Variants in CTNNA3 observed in about 807,000 individuals in gnomAD.
CTNNA3 encodes catenin alpha 3.
Under a neutral mutation model 95.7 loss-of-function variants are expected in CTNNA3, and 76 were observed. The observed-to-expected ratio is 0.79, with a 90% confidence interval of 0.66 to 0.96. CTNNA3 has a LOEUF of 0.96. Ranked by LOEUF, CTNNA3 falls within the 40% of genes least tolerant of loss-of-function variation. CTNNA3 has a pLI of 0.00. For missense variants in CTNNA3, 1,191 were observed against 1,089.8 expected (o/e 1.09, Z -1.31); for synonymous variants, 431 against 374.4 (o/e 1.15, Z -1.74).
intron 17 of CTNNA3, among the ~76,000 whole-genome samples, chr10:65,924,727 C>T (rs1380560280): frequency 6.6e-6 from 1 of 152,086 alleles, no homozygotes; most frequent in African/African-American, 2.4e-5. Flanking sequence ...TCTCACGCTG[C>T]TAATAAAGAC....
At position 67,691,512 on chromosome 10, in the gene CTNNA3, G is replaced by A. The variant is rs1198818942; in HGVS notation, c.-6+4488C>T. ...GAGCGTCTCTGCCCGGCCGCCCATC[G>A]TCTGAGATGTGGGGAGCACCTCTGC... On this transcript the variant is annotated intron_variant, in intron 1 of 17. Coordinates refer to ENST00000433211, the MANE Select transcript of CTNNA3 (RefSeq NM_013266.4). Among the ~76,000 whole-genome samples, 5 of 148,160 alleles carry A rather than the reference G, an allele frequency of 3.4e-5. No individual in the cohort carries two copies. In the East Asian group the frequency reaches 6.1e-4, roughly 18 times the overall value.
chr10:66,150,843 T>C (rs1383416943), intron 13 of CTNNA3, among the ~76,000 whole-genome samples: 4 of 152,176 alleles, frequency 2.6e-5, no homozygotes, highest in South Asian at 4.1e-4. Flanking sequence ...ACTTATCTTT[T>C]AATACTTTTA....
At chr10:67,210,731 TG>T (rs143040362) in intron 6 of CTNNA3, among the ~76,000 whole-genome samples, 6,642 of 150,406 alleles carry the variant, frequency 0.044, 194 homozygotes, top group South Asian at 0.09. Flanking sequence ...ATACTGCATA[TG>T]GGGGGGGGCT....
intron 5 of CTNNA3, among the ~76,000 whole-genome samples, chr10:67,438,359 C>A (rs1313491032): frequency 6.6e-6 from 1 of 152,146 alleles, no homozygotes; most frequent in Non-Finnish European, 1.5e-5. Flanking sequence ...ACACAGCAGG[C>A]TCTCTCTAAA....
At chr10:65,996,019 C>T (rs1252983597) in intron 15 of CTNNA3, among the ~76,000 whole-genome samples, 1 of 152,178 alleles carries the variant, frequency 6.6e-6, no homozygotes, top group Non-Finnish European at 1.5e-5. Context: ...GCAGCAATGA[C>T]AGCAATGAGC....
At chr10:66,328,777 C>G (rs1211921375) in intron 12 of CTNNA3, among the ~76,000 whole-genome samples, 3 of 150,762 alleles carry the variant, frequency 2.0e-5, no homozygotes, top group Non-Finnish European at 4.4e-5. Flanking sequence ...ATCTGAAGGC[C>G]TGAGAACCCA....
At chr10:66,568,310 C>T (rs1024313416) in intron 10 of CTNNA3, among the ~76,000 whole-genome samples, 1 of 152,072 alleles carries the variant, frequency 6.6e-6, no homozygotes, top group African/African-American at 2.4e-5. Flanking sequence ...GACAGTGTCC[C>T]TTCAACAAAA....
intron 10 of CTNNA3, among the ~76,000 whole-genome samples, chr10:66,617,912 C>T (rs1478335833): frequency 6.6e-6 from 1 of 151,226 alleles, no homozygotes; most frequent in Non-Finnish European, 1.5e-5. Flanking sequence ...TCTTATACAC[C>T]AATAACAGAC....
chr10:67,492,125 G>A (rs937065105), intron 5 of CTNNA3, among the ~76,000 whole-genome samples: 1 of 152,070 alleles, frequency 6.6e-6, no homozygotes, highest in African/African-American at 2.4e-5. Flanking sequence ...AGAGGGTGTA[G>A]GGGAAAGAAA....
chr10:67,344,125 A>G (rs564943806), intron 5 of CTNNA3, among the ~76,000 whole-genome samples: 2 of 151,934 alleles, frequency 1.3e-5, no homozygotes, highest in South Asian at 2.1e-4. Flanking sequence ...TTCTGTTGAT[A>G]TGATATATCA....
chr10:66,773,353 A>T (rs1233712536), intron 8 of CTNNA3, among the ~76,000 whole-genome samples: 1 of 152,160 alleles, frequency 6.6e-6, no homozygotes, highest in African/African-American at 2.4e-5. Context: ...CTGACTTTGG[A>T]GCTAAGGCAC....
chr10:66,210,946 A>C (rs753875543), intron 13 of CTNNA3, among the ~76,000 whole-genome samples: 57 of 152,224 alleles, frequency 3.7e-4, no homozygotes, highest in Non-Finnish European at 7.3e-4. Context: ...CTCAGATTTT[A>C]AATTGTAGAA....
chr10:67,611,470 C>A (rs775187447), intron 2 of CTNNA3, among the ~76,000 whole-genome samples: 1 of 151,822 alleles, frequency 6.6e-6, no homozygotes, highest in African/African-American at 2.4e-5. Flanking sequence ...CCTGCCACCA[C>A]GCCTGGCTAA....
At chr10:67,573,741 T>TCTCCTTCCCTCC (rs1413026393) in intron 3 of CTNNA3, among the ~76,000 whole-genome samples, 16 of 147,006 alleles carry the variant, frequency 1.1e-4, no homozygotes, top group African/African-American at 4.0e-4. Flanking sequence ...TCCTTCCCTC[T>TCTCCTTCCCTCC]CTCCTTCCCT....
chr10:67,090,638 T>C (rs1466909264), intron 7 of CTNNA3, among the ~76,000 whole-genome samples: 1 of 152,092 alleles, frequency 6.6e-6, no homozygotes, highest in Non-Finnish European at 1.5e-5. Context: ...AGGCTTAAAA[T>C]AGGCAACCTC....
intron 10 of CTNNA3, among the ~76,000 whole-genome samples, chr10:66,598,939 A>C (rs1290504627): frequency 6.6e-6 from 1 of 152,004 alleles, no homozygotes; most frequent in Admixed American, 6.6e-5. Context: ...TAACCAAAGC[A>C]ATTTTCAGCA....
intron 5 of CTNNA3, among the ~76,000 whole-genome samples, chr10:67,485,999 C>G (rs775223080): frequency 5.9e-5 from 9 of 152,074 alleles, no homozygotes; most frequent in African/African-American, 1.4e-4. Flanking sequence ...TAATTAGAAG[C>G]CTTTTATGTT....
At chr10:66,342,203 C>T (rs528785655) in intron 12 of CTNNA3, among the ~76,000 whole-genome samples, 6 of 152,040 alleles carry the variant, frequency 3.9e-5, no homozygotes, top group Non-Finnish European at 8.8e-5. Context: ...ATTTAGTGTT[C>T]AACCAAGTTT....
chr10:67,241,027 A>G (rs1406121310), intron 5 of CTNNA3, among the ~76,000 whole-genome samples: 15 of 152,220 alleles, frequency 9.9e-5, no homozygotes, highest in Non-Finnish European at 1.5e-5. Context: ...AAAACAAAAA[A>G]GTTATGGGCT....
Sources: gnomAD v4.1 joint callset for allele counts (sites outside exome capture counted in the v4.1 genomes callset) on GRCh38, gnomAD v4.1.1 for gene constraint, MANE v1.5 for transcripts, NCBI Gene and HGNC (gene_info 2026-07-23, HGNC 2026-07-21) for gene names.